The following SOCS5 variants were observed in gnomAD, a reference collection of about 807,000 sequenced individuals.
The protein encoded by SOCS5 is CIS-6.
SOCS5 carries 32 observed loss-of-function variants against 42.8 expected under a neutral mutation model. That is an observed-to-expected ratio of 0.75 (90% CI 0.56 to 1.01). SOCS5 has a LOEUF of 1.01. SOCS5 is among the 50% of genes least tolerant of loss of function. SOCS5 has a pLI of 0.00. For synonymous variants in SOCS5, 283 were observed against 229.6 expected (o/e 1.23, Z -2.10); for missense variants, 627 against 653.0 (o/e 0.96, Z 0.43).
At chr2:46,723,282 G>T (rs6544919) in intron 1 of SOCS5, among the ~76,000 whole-genome samples, 114,669 of 151,844 alleles carry the variant, frequency 0.76, 44,086 homozygotes, top group African/African-American at 0.89. Flanking sequence ...TTTATAGGTT[G>T]GCATTCTACA....
At chr2:46,732,316 C>T (rs1426714249) in intron 1 of SOCS5, among the ~76,000 whole-genome samples, 1 of 152,074 alleles carries the variant, frequency 6.6e-6, no homozygotes, top group Non-Finnish European at 1.5e-5. Context: ...TCTTGGATGC[C>T]TTTACAGGGA....
At chr2:46,753,308 C>T (rs1673664658) in intron 1 of SOCS5, among the ~76,000 whole-genome samples, 1 of 152,172 alleles carries the variant, frequency 6.6e-6, no homozygotes, top group Admixed American at 6.5e-5. Flanking sequence ...TCCCTGTTAT[C>T]TTTAGGACTT....
At chr2:46,748,862 A>T (rs1191842468) in intron 1 of SOCS5, among the ~76,000 whole-genome samples, 1 of 152,324 alleles carries the variant, frequency 6.6e-6, no homozygotes, top group African/African-American at 2.4e-5. Flanking sequence ...CTCACTTACC[A>T]TTGGTAACTG....
At chr2:46,733,483 G>A (rs562650805) in intron 1 of SOCS5, among the ~76,000 whole-genome samples, 3 of 151,652 alleles carry the variant, frequency 2.0e-5, no homozygotes, top group African/African-American at 7.3e-5. Flanking sequence ...TGAAGTGGGG[G>A]GATCACATGA....
chr2:46,747,108 C>T (rs749527352), intron 1 of SOCS5, among the ~76,000 whole-genome samples: 25 of 152,024 alleles, frequency 1.6e-4, no homozygotes, highest in African/African-American at 5.1e-4. Flanking sequence ...AAGTCTTTAA[C>T]GGCTACTGAT....
At chr2:46,745,154 G>A (rs759489840) in intron 1 of SOCS5, among the ~76,000 whole-genome samples, 4 of 152,066 alleles carry the variant, frequency 2.6e-5, no homozygotes, top group Admixed American at 2.0e-4. Flanking sequence ...GGATATTAAT[G>A]TAGCACTACA....
At chr2:46,737,779 T>C (rs1051017716) in intron 1 of SOCS5, among the ~76,000 whole-genome samples, 1 of 152,060 alleles carries the variant, frequency 6.6e-6, no homozygotes, top group Admixed American at 6.6e-5. Flanking sequence ...GTTGTTGATA[T>C]AATCAGTTAC....
At chr2:46,727,678 C>A (rs1245875327) in intron 1 of SOCS5, among the ~76,000 whole-genome samples, 1 of 152,090 alleles carries the variant, frequency 6.6e-6, no homozygotes, top group Non-Finnish European at 1.5e-5. Flanking sequence ...TAATCTCTCT[C>A]TTAGTTCAGT....
chr2:46,722,043 A>C (rs1174697659), intron 1 of SOCS5, among the ~76,000 whole-genome samples: 1 of 151,808 alleles, frequency 6.6e-6, no homozygotes, highest in Non-Finnish European at 1.5e-5. Context: ...TGAATATATA[A>C]TCTTTATTTA....
At chr2:46,750,612 A>G (rs72802466) in intron 1 of SOCS5, among the ~76,000 whole-genome samples, 7,352 of 151,858 alleles carry the variant, frequency 0.048, 256 homozygotes, top group Non-Finnish European at 0.08. Context: ...GAGAAGCAGT[A>G]GAACTTACTA....
intron 1 of SOCS5, among the ~76,000 whole-genome samples, chr2:46,717,637 G>T (rs1672779264): frequency 6.6e-6 from 1 of 152,018 alleles, no homozygotes; most frequent in African/African-American, 2.4e-5. Context: ...AATGCAGTAT[G>T]TATTTTTTTC....
chr2:46,758,823 A>G lies in SOCS5; in HGVS notation c.293A>G (p.Asn98Ser), dbSNP rs556335017. Residue 98 changes from asparagine (N) to serine (S), a missense_variant, in exon 2 of 2, where the codon AAT becomes AGT. By Grantham distance (46) the Asn-to-Ser change is conservative. Transcript: ENST00000394861. ...QIVEISIEKD[N>S]DSCVTPGTRL... ...GTTGAAATAAGCATCGAAAAGGATA[A>G]TGATTCTTGTGTTACCCCAGGAACA... is the stretch of plus-strand genomic sequence containing the variant. 3.1e-6 allele frequency: 5 copies of G among 1,614,212 alleles called. No individual in the cohort carries two copies. The highest frequency in any genetic ancestry group is 4.2e-6 in the Non-Finnish European group (5 of 1,180,014).
At chr2:46,702,846 T>A (rs1244386928) in intron 1 of SOCS5, among the ~76,000 whole-genome samples, 1 of 152,242 alleles carries the variant, frequency 6.6e-6, no homozygotes, top group African/African-American at 2.4e-5. Flanking sequence ...CTTAATGGTG[T>A]ATCACTTAAA....
chr2:46,732,940 A>C lies in SOCS5; in HGVS notation c.-12-25579A>C, dbSNP rs145150181. Among the ~76,000 whole-genome samples the C allele has an allele frequency of 2.6e-4, 40 of 152,130 alleles. 1 individual carries two copies. In the East Asian group the frequency reaches 7.5e-3, roughly 29 times the overall value. On this transcript the variant is annotated intron_variant, in intron 1 of 1. Transcript: ENST00000394861. Reference sequence around the variant, plus strand: ...ATCAACTTTCACAATAGCTGGTTTCACTGTTAGCTTTATTCTTACAATGTT... The same window carrying C: ...ATCAACTTTCACAATAGCTGGTTTCCCTGTTAGCTTTATTCTTACAATGTT...
In SOCS5 at chr2:46,758,893, T is replaced by C. The variant is rs113825614; in HGVS notation, c.363T>C (p.Gly121=). Residue 121 remains glycine (G), a synonymous_variant, in exon 2 of 2, where the codon GGT becomes GGC. Transcript: ENST00000394861. The part of the protein sequence containing the change: ...RDSYSRHAPW[G]GKKKHSCSTK... Reference sequence around the variant, plus strand: ...CCTACTCTCGACATGCTCCATGGGGTGGGAAGAAAAAACATTCCTGTTCTA... The same window carrying C: ...CCTACTCTCGACATGCTCCATGGGGCGGGAAGAAAAAACATTCCTGTTCTA... The C allele has an allele frequency of 8.9e-5, 143 of 1,613,984 alleles. 3 individuals are homozygous for C. The African/African-American group carries it at 1.7e-3, about 20-fold the overall frequency.
At position 46,708,184 on chromosome 2, in the gene SOCS5, C is replaced by G. The variant is rs528466322; in HGVS notation, c.-13+8735C>G. 7.9e-5 allele frequency among the ~76,000 whole-genome samples: 12 copies of G among 152,220 alleles called. No individual in the cohort carries two copies. In the South Asian group the frequency reaches 2.5e-3, roughly 32 times the overall value. Reference sequence around the variant, plus strand: ...AGAAAGAGACTAATTATATGATGGTCTGAATTAAGGAATTTGTAGTGGGGT... The same window carrying G: ...AGAAAGAGACTAATTATATGATGGTGTGAATTAAGGAATTTGTAGTGGGGT... On this transcript the variant is annotated intron_variant, in intron 1 of 1. Coordinates refer to ENST00000394861, the MANE Select transcript of SOCS5 (RefSeq NM_144949.3).
At chr2:46,700,456 G>T (rs1186337132) in intron 1 of SOCS5, among the ~76,000 whole-genome samples, 1 of 152,174 alleles carries the variant, frequency 6.6e-6, no homozygotes, top group Admixed American at 6.5e-5. Context: ...AATGGATTGT[G>T]CTATTATGTA....
intron 1 of SOCS5, among the ~76,000 whole-genome samples, chr2:46,702,164 G>C (rs529705866): frequency 6.6e-6 from 1 of 151,912 alleles, no homozygotes; most frequent in Admixed American, 6.6e-5. Flanking sequence ...ACATAGAAAG[G>C]GTACAGCAAA....
chr2:46,752,027 C>G (rs113286703), intron 1 of SOCS5, among the ~76,000 whole-genome samples: 9 of 152,286 alleles, frequency 5.9e-5, no homozygotes, highest in African/African-American at 1.7e-4. Flanking sequence ...TGCATTCAGG[C>G]TACAGTGGCA....
Sources: allele counts gnomAD v4.1 joint callset (sites outside exome capture counted in the v4.1 genomes callset), GRCh38; gene constraint gnomAD v4.1.1; transcripts MANE v1.5; gene names NCBI Gene and HGNC (gene_info 2026-07-23, HGNC 2026-07-21).